The following UTRN variants were observed in gnomAD, a reference collection of about 807,000 sequenced individuals.
UTRN encodes the protein dystrophin-related protein 1.
A neutral mutation model predicts 463.9 loss-of-function variants in UTRN; 283 were observed. The ratio of observed to expected loss-of-function variants is 0.61; its 90% CI spans 0.55 to 0.67. The LOEUF (loss-of-function observed/expected upper bound fraction) is 0.67. Among genes scored for constraint, UTRN ranks in the 30% least tolerant of loss-of-function variants. UTRN has a pLI of 0.00. For missense variants in UTRN, 3,922 were observed against 4,084.3 expected (o/e 0.96, Z 1.08); for synonymous variants, 1,442 against 1,431.5 (o/e 1.01, Z -0.17).
chr6:144,330,053 T>C (rs777105420), intron 2 of UTRN, among the ~76,000 whole-genome samples: 2 of 152,326 alleles, frequency 1.3e-5, no homozygotes, highest in Non-Finnish European at 2.9e-5. Flanking sequence ...AGTGCTGTCA[T>C]GGCAAATCAC....
chr6:144,677,443 A>G (rs1317871100), intron 51 of UTRN, among the ~76,000 whole-genome samples: 1 of 151,994 alleles, frequency 6.6e-6, no homozygotes, highest in Non-Finnish European at 1.5e-5. Flanking sequence ...AAGGACATGA[A>G]CTCATTCTTT....
At chr6:144,754,697 G>C in intron 56 of UTRN, 23 bp from the exon 57 acceptor site, 1 of 1,607,324 alleles carries the variant, frequency 6.2e-7, no homozygotes. Context: ...TATTTCCTCT[G>C]ACTTGCATGT....
At chr6:144,685,395 A>G (rs1782646324) in intron 52 of UTRN, among the ~76,000 whole-genome samples, 1 of 152,180 alleles carries the variant, frequency 6.6e-6, no homozygotes. Flanking sequence ...GTAGATACCT[A>G]GCAGTGGTAT....
intron 2 of UTRN, among the ~76,000 whole-genome samples, chr6:144,377,192 C>T (rs1780538747): frequency 1.3e-5 from 2 of 152,004 alleles, no homozygotes; most frequent in South Asian, 4.2e-4. Flanking sequence ...CGTGCACCAC[C>T]ACACCTGGCT....
At chr6:144,524,494 T>A (rs1287509089) in intron 41 of UTRN, among the ~76,000 whole-genome samples, 2 of 152,150 alleles carry the variant, frequency 1.3e-5, no homozygotes, top group Non-Finnish European at 2.9e-5. Context: ...CAATTTTATT[T>A]TCATTTTTAA....
chr6:144,635,879 C>T (rs1777119615), intron 51 of UTRN, among the ~76,000 whole-genome samples: 1 of 152,048 alleles, frequency 6.6e-6, no homozygotes, highest in Admixed American at 6.6e-5. Flanking sequence ...TAATAATTCA[C>T]ATTATTGAAA....
intron 34 of UTRN, among the ~76,000 whole-genome samples, chr6:144,504,965 A>C (rs530841471): frequency 6.6e-6 from 1 of 152,136 alleles, no homozygotes; most frequent in African/African-American, 2.4e-5. Flanking sequence ...CAGGGATTCA[A>C]CTTCTTCCTG....
intron 2 of UTRN, among the ~76,000 whole-genome samples, chr6:144,336,275 G>A (rs575133262): frequency 6.6e-6 from 1 of 152,222 alleles, no homozygotes; most frequent in South Asian, 2.1e-4. Context: ...TCCAGACTCC[G>A]ACATCGCCAC....
At chr6:144,669,956 GGTGTGTGTGTGT>G (rs35769043) in intron 51 of UTRN, among the ~76,000 whole-genome samples, 3 of 148,000 alleles carry the variant, frequency 2.0e-5, no homozygotes, top group Non-Finnish European at 3.0e-5. Flanking sequence ...AGTATTCCAT[GGTGTGTGTGTGT>G]GTGTGTGTGT....
At chr6:144,488,958 T>C (rs1459305112) in intron 30 of UTRN, 124 bp downstream of exon 30, 3 of 934,046 alleles carry the variant, frequency 3.2e-6, no homozygotes, top group Admixed American at 7.6e-5. Context: ...TGACCTTACT[T>C]ACAGGGCAGC....
chr6:144,367,788 T>C (rs1023765408), intron 2 of UTRN, among the ~76,000 whole-genome samples: 1 of 152,104 alleles, frequency 6.6e-6, no homozygotes, highest in South Asian at 2.1e-4. Flanking sequence ...TTCTGTTTCT[T>C]TCTCTTTTTT....
chr6:144,334,235 CT>C (rs1776542565), intron 2 of UTRN, among the ~76,000 whole-genome samples: 2 of 141,458 alleles, frequency 1.4e-5, no homozygotes, highest in South Asian at 4.5e-4. Flanking sequence ...CTGTTGCTGG[CT>C]ATTCTTGCAT....
intron 2 of UTRN, among the ~76,000 whole-genome samples, chr6:144,379,523 A>G (rs1164414786): frequency 6.6e-6 from 1 of 152,206 alleles, no homozygotes; most frequent in East Asian, 1.9e-4. Flanking sequence ...GAGTGTCTTC[A>G]TGACATGGCT....
chr6:144,325,086 CA>C (rs1320368086), intron 2 of UTRN, among the ~76,000 whole-genome samples: 1 of 152,164 alleles, frequency 6.6e-6, no homozygotes, highest in Admixed American at 6.5e-5. Flanking sequence ...GCCCAGAGAG[CA>C]TGGCAAGGCT....
chr6:144,523,686 A>G (rs1213363996), intron 41 of UTRN, among the ~76,000 whole-genome samples: 1 of 152,238 alleles, frequency 6.6e-6, no homozygotes, highest in East Asian at 1.9e-4. Context: ...ATGACCATTT[A>G]TAACATAATA....
chr6:144,390,937 G>A (rs1781850896), intron 2 of UTRN, among the ~76,000 whole-genome samples: 1 of 152,144 alleles, frequency 6.6e-6, no homozygotes, highest in African/African-American at 2.4e-5. Flanking sequence ...CTCTGTAAAT[G>A]TTACTATTTC....
chr6:144,695,275 T>TATATA (rs1192472554), intron 52 of UTRN, among the ~76,000 whole-genome samples: 2 of 152,160 alleles, frequency 1.3e-5, no homozygotes, highest in East Asian at 3.8e-4. Flanking sequence ...AATGTAATAA[T>TATATA]ATGTGGCTCA....
intron 43 of UTRN, among the ~76,000 whole-genome samples, chr6:144,534,505 A>G (rs572574601): frequency 1.8e-4 from 27 of 152,356 alleles, no homozygotes; most frequent in African/African-American, 6.3e-4. Flanking sequence ...GAGGACTGTC[A>G]TGAGGATTAA....
chr6:144,533,108 C>G lies in UTRN; in HGVS notation c.6081C>G (p.Ser2027Arg). The change falls in exon 43 of 75, where the codon AGC (serine) becomes AGG (arginine). Residue 2027 changes from serine (S) to arginine (R), a missense_variant. Ser to Arg is a moderately radical substitution (Grantham distance 110, BLOSUM62 -1). Transcript: ENST00000367545. Reference protein sequence around the residue: ...HQQELEVGISSHQPSFAALNR... With the variant: ...HQQELEVGISRHQPSFAALNR... Reference sequence around the variant, plus strand: ...AGGAACTTGAGGTGGGCATCAGCAGCCACCAGCCCAGTTTTGCAGCACTAA... The same window carrying G: ...AGGAACTTGAGGTGGGCATCAGCAGGCACCAGCCCAGTTTTGCAGCACTAA... 1 of 1,610,224 alleles carries G rather than the reference C, an allele frequency of 6.2e-7. No homozygotes were observed.
Sources: gnomAD v4.1 joint callset for allele counts (sites outside exome capture counted in the v4.1 genomes callset) on GRCh38, gnomAD v4.1.1 for gene constraint, MANE v1.5 for transcripts, NCBI Gene and HGNC (gene_info 2026-07-23, HGNC 2026-07-21) for gene names.